CNTLN: variants seen among roughly 807,000 people sequenced by gnomAD.
The protein encoded by CNTLN is centlein, also known as centlein, centrosomal protein.
In CNTLN, 212 loss-of-function variants were observed where a neutral mutation model predicts 180.0. The ratio of observed to expected loss-of-function variants is 1.18; its 90% CI spans 1.05 to 1.32. CNTLN has a LOEUF of 1.32. Ranked by LOEUF, CNTLN falls within the 40% of genes most tolerant of loss-of-function variation. CNTLN has a pLI of 0.00. For synonymous variants in CNTLN, 722 were observed against 563.1 expected, an observed-to-expected ratio of 1.28 and a Z score of -3.99; for missense variants, 2,095 against 1,610.9, an observed-to-expected ratio of 1.30 and a Z score of -5.14.
downstream of CNTLN, among the ~76,000 whole-genome samples, chr9:17,504,518 C>T (rs183197409): frequency 1.3e-5 from 2 of 152,148 alleles, no homozygotes; most frequent in South Asian, 2.1e-4. Flanking sequence ...CCGAAACCTG[C>T]GAATGTGTTA....
intron 2 of CNTLN, among the ~76,000 whole-genome samples, chr9:17,205,850 T>C (rs184397403): frequency 1.3e-5 from 2 of 152,336 alleles, no homozygotes; most frequent in Admixed American, 1.3e-4. Context: ...TGACGGACTA[T>C]TTAATCAGCA....
intron 12 of CNTLN, among the ~76,000 whole-genome samples, chr9:17,357,255 A>T (rs1347340300): frequency 1.8e-5 from 2 of 112,884 alleles, no homozygotes; most frequent in Admixed American, 1.9e-4. Context: ...TCAGCCATTG[A>T]TGGATGTTTG....
chr9:17,389,343 T>G (rs1410781676), intron 14 of CNTLN, among the ~76,000 whole-genome samples: 1 of 152,130 alleles, frequency 6.6e-6, no homozygotes, highest in African/African-American at 2.4e-5. Flanking sequence ...CACTAGCTTA[T>G]CACCGTTTTT....
At chr9:17,325,272 T>C (rs1446423214) in intron 8 of CNTLN, among the ~76,000 whole-genome samples, 2 of 136,118 alleles carry the variant, frequency 1.5e-5, no homozygotes, top group African/African-American at 5.2e-5. Context: ...ACTTTATTAA[T>C]TGGTAATAGA....
chr9:17,293,635 G>C (rs1034685593), intron 6 of CNTLN, among the ~76,000 whole-genome samples: 3 of 152,218 alleles, frequency 2.0e-5, no homozygotes, highest in African/African-American at 7.2e-5. Context: ...GGCACTGGCA[G>C]GGGAAAATTG....
intron 23 of CNTLN, among the ~76,000 whole-genome samples, chr9:17,475,362 A>G (rs1005023057): frequency 6.6e-5 from 10 of 151,894 alleles, no homozygotes; most frequent in African/African-American, 2.4e-4. Context: ...AACTCTAGAT[A>G]TTGATTCAAA....
At chr9:17,256,674 T>C (rs1826515265) in intron 5 of CNTLN, among the ~76,000 whole-genome samples, 1 of 151,540 alleles carries the variant, frequency 6.6e-6, no homozygotes, top group Admixed American at 6.6e-5. Context: ...TCTGGGGAGG[T>C]TGGTTTTATA....
chr9:17,222,995 G>A (rs1023499483), intron 2 of CNTLN, among the ~76,000 whole-genome samples: 1 of 151,954 alleles, frequency 6.6e-6, no homozygotes, highest in Non-Finnish European at 1.5e-5. Flanking sequence ...CCTTATCCAT[G>A]GGGGATACGT....
intron 2 of CNTLN, among the ~76,000 whole-genome samples, chr9:17,169,793 T>C (rs1045467441): frequency 6.6e-6 from 1 of 152,202 alleles, no homozygotes; most frequent in African/African-American, 2.4e-5. Flanking sequence ...GCTGTTTTGA[T>C]TACTATAGCT....
intron 25 of CNTLN, among the ~76,000 whole-genome samples, chr9:17,490,194 T>C (rs1833082631): frequency 6.6e-6 from 1 of 151,986 alleles, no homozygotes; most frequent in Non-Finnish European, 1.5e-5. Context: ...AGGCCAACAT[T>C]GTAGGATGGT....
chr9:17,460,305 A>G (rs561026787), intron 19 of CNTLN, among the ~76,000 whole-genome samples: 32 of 151,774 alleles, frequency 2.1e-4, no homozygotes, highest in Admixed American at 3.3e-4. Context: ...AAAATATTCA[A>G]TAAACTTAGT....
intron 6 of CNTLN, among the ~76,000 whole-genome samples, chr9:17,291,555 T>A (rs554778861): frequency 1.3e-5 from 2 of 152,214 alleles, no homozygotes; most frequent in South Asian, 2.1e-4. Context: ...TTTACCATTA[T>A]GTAATGCCCC....
chr9:17,298,994 A>T, intron 7 of CNTLN: 1 of 947,838 alleles, frequency 1.1e-6, no homozygotes. Context: ...CTGTAATCCC[A>T]GCACTTTGGG....
chr9:17,198,424 TAATCAGTGTTCTATAG>T (rs1554653591), intron 2 of CNTLN, among the ~76,000 whole-genome samples: 2 of 150,348 alleles, frequency 1.3e-5, no homozygotes, highest in Non-Finnish European at 1.5e-5. Context: ...TCAGTTTCTT[TAATCAGTGTTCTATAG>T]TTTTCATTGT....
intron 10 of CNTLN, among the ~76,000 whole-genome samples, chr9:17,338,161 T>TC (rs1351712437): frequency 6.7e-6 from 1 of 149,916 alleles, no homozygotes; most frequent in Non-Finnish European, 1.5e-5. Context: ...CTTTCTTTCT[T>TC]TTTCTTTCTT....
At chr9:17,207,492 C>A (rs762462794) in intron 2 of CNTLN, among the ~76,000 whole-genome samples, 1 of 152,126 alleles carries the variant, frequency 6.6e-6, no homozygotes, top group Non-Finnish European at 1.5e-5. Context: ...TGTCAGCACA[C>A]GAGGGAATCT....
chr9:17,400,295 G>C (rs1826870038), intron 15 of CNTLN, among the ~76,000 whole-genome samples: 2 of 152,032 alleles, frequency 1.3e-5, no homozygotes, highest in African/African-American at 4.8e-5. Flanking sequence ...ACACCACAAT[G>C]CCCGGCTAAT....
chr9:17,304,144 A>G (rs1818551863), intron 7 of CNTLN, among the ~76,000 whole-genome samples: 1 of 152,186 alleles, frequency 6.6e-6, no homozygotes, highest in South Asian at 2.1e-4. Flanking sequence ...ACAAAGGTGA[A>G]GAAAGAAAAC....
chr9:17,201,750 G>C (rs759951865), intron 2 of CNTLN, among the ~76,000 whole-genome samples: 2 of 151,754 alleles, frequency 1.3e-5, no homozygotes, highest in Admixed American at 1.3e-4. Flanking sequence ...AGTCTAGCTA[G>C]TGATCTATTT....
Sources: allele counts gnomAD v4.1 joint callset (sites outside exome capture counted in the v4.1 genomes callset), GRCh38; gene constraint gnomAD v4.1.1; transcripts MANE v1.5; gene names NCBI Gene and HGNC (gene_info 2026-07-23, HGNC 2026-07-21).